The following KCNC2 variants were observed in gnomAD, a reference collection of about 807,000 sequenced individuals.
KCNC2 encodes the protein potassium voltage-gated channel subfamily C member 2, also known as voltage-gated potassium channel KCNC2.
In KCNC2, 21 loss-of-function variants were observed where a neutral mutation model predicts 44.5. The observed-to-expected ratio is 0.47, with a 90% CI of 0.33 to 0.68. The LOEUF is 0.68. Among genes scored for constraint, KCNC2 ranks in the 30% least tolerant of loss-of-function variants. KCNC2 has a pLI of 0.01. For synonymous variants in KCNC2, 391 were observed against 339.1 expected (o/e 1.15, Z -1.68); for missense variants, 589 against 826.2 (o/e 0.71, Z 3.52).
intron 2 of KCNC2, among the ~76,000 whole-genome samples, chr12:75,076,564 G>C (rs1484578922): frequency 6.6e-6 from 1 of 152,214 alleles, no homozygotes; most frequent in Admixed American, 6.5e-5. Flanking sequence ...GAGCCACCGC[G>C]CCTGGCCTCA....
At chr12:75,146,460 T>C (rs910166353) in intron 2 of KCNC2, among the ~76,000 whole-genome samples, 5 of 152,216 alleles carry the variant, frequency 3.3e-5, no homozygotes, top group African/African-American at 1.2e-4. Context: ...GATGTATACA[T>C]GTTATTAAAA....
chr12:75,081,052 T>C (rs1884452864), intron 2 of KCNC2, among the ~76,000 whole-genome samples: 2 of 152,016 alleles, frequency 1.3e-5, no homozygotes, highest in African/African-American at 4.8e-5. Context: ...ATTTTCAGAA[T>C]GCATTACTAT....
In KCNC2 at chr12:75,050,563, G is replaced by A; in HGVS notation, c.1442C>T (p.Ser481Phe). ...VIVNNFGMYY[S>F]LAMAKQKLPR... is the part of the protein sequence containing the mutation. Reference sequence around the variant, plus strand: ...AAGTTTCTGCTTTGCCATTGCCAAGGAGTAGTACATTCCAAAATTATTGAC... The same window carrying A: ...AAGTTTCTGCTTTGCCATTGCCAAGAAGTAGTACATTCCAAAATTATTGAC... Residue 481 changes from serine to phenylalanine, a missense_variant, in exon 3 of 5, where the codon TCC (serine) becomes TTC (phenylalanine). Transcript: ENST00000549446. 6.2e-7 allele frequency: 1 copy of A among 1,613,550 alleles called. No homozygotes were observed. Among genetic ancestry groups the A allele is most frequent in the Non-Finnish European group, 8.5e-7 (1 of 1,179,844 alleles).
chr12:75,132,403 A>G (rs1565880189), intron 2 of KCNC2, among the ~76,000 whole-genome samples: 1 of 152,200 alleles, frequency 6.6e-6, no homozygotes, highest in Non-Finnish European at 1.5e-5. Flanking sequence ...TGCAAGAGCA[A>G]GCATAATATA....
chr12:75,042,924 G>C lies in KCNC2; in HGVS notation c.*181C>G. 1 of 1,398,178 alleles carries C rather than the reference G, an allele frequency of 7.2e-7. No homozygotes were observed. Among genetic ancestry groups the C allele is most frequent in the Non-Finnish European group, 9.3e-7 (1 of 1,078,440 alleles). 86.6% of individuals were successfully genotyped at this position (1,398,178 alleles called of 1,614,324 possible). On this transcript the variant is annotated 3_prime_UTR_variant, in exon 5 of 5. Coordinates refer to ENST00000549446, the MANE Select transcript of KCNC2 (RefSeq NM_139137.4). ...AGCACTACTTTAGACAATCTTTAAAGCCTGGGTAAGATTCATTAGCTACCC... is the reference window on the plus strand; with the variant it reads ...AGCACTACTTTAGACAATCTTTAAACCCTGGGTAAGATTCATTAGCTACCC...
At chr12:75,159,914 G>A (rs1425044651) in intron 2 of KCNC2, among the ~76,000 whole-genome samples, 1 of 151,790 alleles carries the variant, frequency 6.6e-6, no homozygotes, top group Non-Finnish European at 1.5e-5. Context: ...GACCATCTTT[G>A]AATCCCCTGT....
At chr12:75,057,336 A>G (rs1881857956) in intron 2 of KCNC2, among the ~76,000 whole-genome samples, 1 of 151,968 alleles carries the variant, frequency 6.6e-6, no homozygotes, top group South Asian at 2.1e-4. Context: ...AGAGAAAAAA[A>G]TCTCTTTCAT....
chr12:75,133,308 T>A (rs1888985785), intron 2 of KCNC2, among the ~76,000 whole-genome samples: 2 of 151,910 alleles, frequency 1.3e-5, no homozygotes, highest in Non-Finnish European at 2.9e-5. Context: ...AAAAAGATGA[T>A]AAAATATTTG....
chr12:75,085,328 C>T (rs1195840912), intron 2 of KCNC2, among the ~76,000 whole-genome samples: 4 of 151,958 alleles, frequency 2.6e-5, no homozygotes, highest in Non-Finnish European at 5.9e-5. Flanking sequence ...ATTATCATCA[C>T]TACCATTACT....
In KCNC2 at chr12:75,207,869, A is replaced by G; in HGVS notation, c.115T>C (p.Ser39Pro). 1 of 1,612,120 alleles carries G rather than the reference A, an allele frequency of 6.2e-7. No individual in the cohort carries two copies. Among genetic ancestry groups the G allele is most frequent in the Non-Finnish European group, 8.5e-7 (1 of 1,179,784 alleles). ...LPGTRLALLASSEPPGDCLTT... is the reference protein window; with the variant it reads ...LPGTRLALLAPSEPPGDCLTT... ...AAGCAGTCGCCTGGGGGCTCGGAGG[A>G]GGCAAGAAGGGCCAGGCGTGTTCCA... Residue 39 changes from serine to proline, a missense_variant, in exon 2 of 5, where the codon TCC (serine) becomes CCC (proline). By Grantham distance (74) the Ser-to-Pro change is moderately conservative. This residue lies in a region of KCNC2 where 148 missense variants were observed against 140.1 expected (regional missense o/e 1.06). Coordinates refer to ENST00000549446, the MANE Select transcript of KCNC2 (RefSeq NM_139137.4). This position sits in a 1 kb window ranked among gnomAD's most constrained non-coding sequence, Gnocchi z 4.1.
At chr12:75,120,030 C>G (rs1313622838) in intron 2 of KCNC2, among the ~76,000 whole-genome samples, 1 of 152,156 alleles carries the variant, frequency 6.6e-6, no homozygotes, top group Admixed American at 6.5e-5. Context: ...GGATTTCCAG[C>G]CCATCATCTC....
intron 2 of KCNC2, among the ~76,000 whole-genome samples, chr12:75,106,374 A>G (rs1045496108): frequency 7.2e-5 from 11 of 152,194 alleles, no homozygotes; most frequent in African/African-American, 2.4e-4. Flanking sequence ...GGTGGTGGCT[A>G]GAATTAACCA....
At chr12:75,156,258 T>TG (rs1890750898) in intron 2 of KCNC2, among the ~76,000 whole-genome samples, 1 of 151,752 alleles carries the variant, frequency 6.6e-6, no homozygotes. Flanking sequence ...CATTTTTTTT[T>TG]TGTACAATTT....
intron 2 of KCNC2, among the ~76,000 whole-genome samples, chr12:75,173,922 T>C (rs1892000708): frequency 6.6e-6 from 1 of 151,894 alleles, no homozygotes. Context: ...ATTTGTACTT[T>C]CTTTTCACTG....
intron 2 of KCNC2, among the ~76,000 whole-genome samples, chr12:75,189,774 T>C (rs1206813308): frequency 6.6e-6 from 1 of 152,222 alleles, no homozygotes; most frequent in Non-Finnish European, 1.5e-5. Context: ...TACACAGGGT[T>C]CATATCTAAT....
chr12:75,097,167 A>T, intron 2 of KCNC2, among the ~76,000 whole-genome samples: 1 of 152,166 alleles, frequency 6.6e-6, no homozygotes, highest in East Asian at 1.9e-4. Context: ...TACATACTGT[A>T]TGACCCTAAC....
intron 2 of KCNC2, among the ~76,000 whole-genome samples, chr12:75,149,570 G>A (rs1890249613): frequency 6.6e-6 from 1 of 151,776 alleles, no homozygotes; most frequent in Non-Finnish European, 1.5e-5. Context: ...TGGTATGTCT[G>A]TCCACAAACA....
chr12:75,118,183 G>A (rs1330489935), intron 2 of KCNC2, among the ~76,000 whole-genome samples: 2 of 152,092 alleles, frequency 1.3e-5, no homozygotes, highest in Non-Finnish European at 2.9e-5. Context: ...GTCTCAGAGA[G>A]TATAAGTGAC....
intron 2 of KCNC2, among the ~76,000 whole-genome samples, chr12:75,066,112 T>C (rs1882804790): frequency 6.6e-6 from 1 of 152,162 alleles, no homozygotes; most frequent in South Asian, 2.1e-4. Flanking sequence ...ATGATAGCAA[T>C]ATTTTTCACC....
Sources: allele counts gnomAD v4.1 joint callset (sites outside exome capture counted in the v4.1 genomes callset), GRCh38; gene constraint gnomAD v4.1.1; regional missense constraint gnomAD v4.1.1; non-coding constraint Gnocchi (gnomAD v3.1); transcripts MANE v1.5; gene names NCBI Gene and HGNC (gene_info 2026-07-23, HGNC 2026-07-21).